The following CD84 variants were observed in gnomAD, a reference collection of about 807,000 sequenced individuals.
CD84 encodes SLAM family member 5.
In CD84, 22 loss-of-function variants were observed where a neutral mutation model predicts 33.8. The observed-to-expected ratio is 0.65, with a 90% CI of 0.46 to 0.93. The LOEUF (loss-of-function observed/expected upper bound fraction) is 0.93. Among genes scored for constraint, CD84 ranks in the 40% least tolerant of loss-of-function variants. The pLI, the probability that CD84 is intolerant of heterozygous loss-of-function variation, is 0.00. For synonymous variants in CD84, 154 were observed against 145.2 expected, an observed-to-expected ratio of 1.06 and a Z score of -0.44; for missense variants, 400 against 397.6, an observed-to-expected ratio of 1.01 and a Z score of -0.05.
At chr1:160,570,983 C>T (rs1657656244) in intron 1 of CD84, 1 of 152,190 alleles carries the variant, frequency 6.6e-6, no homozygotes, top group Non-Finnish European at 1.5e-5. Context: ...CATTCTGAGT[C>T]ATGAGGAGGA....
chr1:160,552,263 G>C (rs1342891178), intron 4 of CD84, among the ~76,000 whole-genome samples: 1 of 152,206 alleles, frequency 6.6e-6, no homozygotes, highest in East Asian at 1.9e-4. Context: ...TCTCTTTGAG[G>C]GACCTTGCAG....
intron 5 of CD84, 60 bp downstream of exon 5, chr1:160,550,878 C>A: frequency 1.2e-6 from 2 of 1,609,052 alleles, no homozygotes; most frequent in Admixed American, 3.4e-5. Context: ...CAATGGCTGC[C>A]CATGACTCCC....
intron 2 of CD84, among the ~76,000 whole-genome samples, chr1:160,558,989 A>G (rs1656780899): frequency 6.6e-6 from 1 of 152,224 alleles, no homozygotes; most frequent in African/African-American, 2.4e-5. Context: ...ATGTATAGAG[A>G]CCAAACCTAT....
intron 2 of CD84, among the ~76,000 whole-genome samples, chr1:160,556,163 A>G (rs1656594637): frequency 6.6e-6 from 1 of 152,102 alleles, no homozygotes; most frequent in Non-Finnish European, 1.5e-5. Flanking sequence ...AAAGAAGAGG[A>G]TCCCATCTCA....
At position 160,554,286 on chromosome 1, in the gene CD84, T is replaced by A. The variant is rs1228577116; in HGVS notation, c.389-140A>T. The A allele has an allele frequency of 1.6e-5, 15 of 952,876 alleles. No homozygotes were observed. In the East Asian group the frequency reaches 3.3e-4, roughly 21 times the overall value. The allele number at this position is 952,876 out of a possible 1,614,324, so 59.0% of individuals were successfully genotyped here. A position where few individuals can be genotyped will look rare whatever the true frequency, so the allele number is the denominator to read the frequency against. ...AAAAACATAATTAAATAAATTATGT[T>A]AAAAATAAAGATAATAAATCCTCAA... On this transcript the variant is annotated intron_variant, in intron 2 of 6. Transcript: ENST00000368054.
At chr1:160,577,005 T>C (rs2102216049) in intron 1 of CD84, among the ~76,000 whole-genome samples, 1 of 152,264 alleles carries the variant, frequency 6.6e-6, no homozygotes, top group African/African-American at 2.4e-5. Context: ...GTGGACTCCT[T>C]CATCTCCTAC....
chr1:160,549,856 G>A (rs533326303), intron 6 of CD84, 61 bp downstream of exon 6: 11 of 1,243,334 alleles, frequency 8.8e-6, no homozygotes, highest in Non-Finnish European at 1.3e-5. Context: ...GGATGGACCG[G>A]GTGCACCAGA....
chr1:160,575,951 C>G (rs1022663016), intron 1 of CD84, among the ~76,000 whole-genome samples: 33 of 152,260 alleles, frequency 2.2e-4, no homozygotes, highest in African/African-American at 7.0e-4. Flanking sequence ...AGCTTTCCAC[C>G]CTCTGTTTGG....
intron 2 of CD84, among the ~76,000 whole-genome samples, chr1:160,558,600 C>A (rs1240707438): frequency 6.6e-6 from 1 of 152,214 alleles, no homozygotes; most frequent in Non-Finnish European, 1.5e-5. Context: ...GACCACAATA[C>A]CTCTCCAGCA....
chr1:160,551,227 C>G, intron 4 of CD84, 192 bp from the exon 5 acceptor site: 1 of 568,712 alleles, frequency 1.8e-6, no homozygotes, highest in Non-Finnish European at 3.1e-6. Context: ...ACCCACAGGT[C>G]AATGGGAATT....
chr1:160,551,877 C>A (rs938366256), intron 4 of CD84, among the ~76,000 whole-genome samples: 1 of 152,194 alleles, frequency 6.6e-6, no homozygotes, highest in African/African-American at 2.4e-5. Flanking sequence ...TTATTAAGCA[C>A]CTTCTATGTG....
At chr1:160,567,967 T>C (rs1268846164) in intron 1 of CD84, among the ~76,000 whole-genome samples, 1 of 152,098 alleles carries the variant, frequency 6.6e-6, no homozygotes, top group Non-Finnish European at 1.5e-5. Context: ...TTCTACATAC[T>C]ATTTAAACAA....
At chr1:160,561,548 C>T (rs981492645) in intron 2 of CD84, among the ~76,000 whole-genome samples, 7 of 152,260 alleles carry the variant, frequency 4.6e-5, no homozygotes, top group Admixed American at 3.9e-4. Flanking sequence ...CAAACTCACG[C>T]CAATATCATA....
chr1:160,546,605 C>T lies in CD84; in HGVS notation c.*1651G>A, dbSNP rs1278035835. ...TGCATCTGGAGAGGTGCTCTGAATA[C>T]ACCCCACTGATCCAGGCCCCTGCTC... is the stretch of plus-strand genomic sequence containing the variant. On this transcript the variant is annotated 3_prime_UTR_variant, in exon 7 of 7. Coordinates refer to ENST00000368054, the MANE Select transcript of CD84 (RefSeq NM_003874.4). 6.6e-6 allele frequency: 1 copy of T among 152,530 alleles called. No homozygotes were observed. Among genetic ancestry groups the T allele is most frequent in the East Asian group, 1.9e-4 (1 of 5,186 alleles). 9.4% of individuals were successfully genotyped at this position (152,530 alleles called of 1,614,324 possible).
intron 1 of CD84, among the ~76,000 whole-genome samples, chr1:160,573,716 CA>C (rs772753375): frequency 5.8e-4 from 88 of 152,180 alleles, no homozygotes; most frequent in Non-Finnish European, 1.1e-3. Context: ...CTGCAGTTAT[CA>C]CCACTAAAGC....
rs1458059978 is a variant in CD84 at position 160,542,627 on chromosome 1, G to A, written c.*5629C>T. Reference sequence around the variant, plus strand: ...TTTGCAAAGATTTGGCCATTTTCCAGTCTCAGAATTGATCCATCCCAAACC... The same window carrying A: ...TTTGCAAAGATTTGGCCATTTTCCAATCTCAGAATTGATCCATCCCAAACC... On this transcript the variant is annotated 3_prime_UTR_variant, in exon 7 of 7. Coordinates refer to ENST00000368054, the MANE Select transcript of CD84 (RefSeq NM_003874.4). 1.3e-5 allele frequency: 2 copies of A among 152,190 alleles called. No individual in the cohort carries two copies. The highest frequency in any genetic ancestry group is 4.8e-5 in the African/African-American group (2 of 41,454). 9.4% of individuals were successfully genotyped at this position (152,190 alleles called of 1,614,324 possible).
chr1:160,564,432 A>G (rs1457558901), intron 2 of CD84, among the ~76,000 whole-genome samples: 1 of 152,232 alleles, frequency 6.6e-6, no homozygotes, highest in Non-Finnish European at 1.5e-5. Context: ...AGAGAAATAA[A>G]AACTTATTTC....
chr1:160,577,014 A>G (rs1658026983), intron 1 of CD84, among the ~76,000 whole-genome samples: 1 of 152,108 alleles, frequency 6.6e-6, no homozygotes, highest in Non-Finnish European at 1.5e-5. Flanking sequence ...TTCATCTCCT[A>G]CCCTCAGAGT....
At chr1:160,574,982 G>A (rs1365267311) in intron 1 of CD84, among the ~76,000 whole-genome samples, 1 of 152,112 alleles carries the variant, frequency 6.6e-6, no homozygotes, top group African/African-American at 2.4e-5. Flanking sequence ...AATTAGAGTT[G>A]GGGTATTGGG....
Sources: gnomAD v4.1 joint callset for allele counts (sites outside exome capture counted in the v4.1 genomes callset) on GRCh38, gnomAD v4.1.1 for gene constraint, MANE v1.5 for transcripts, NCBI Gene and HGNC (gene_info 2026-07-23, HGNC 2026-07-21) for gene names.